The following ASTN2 variants were observed in gnomAD, a reference collection of about 807,000 sequenced individuals.
The protein encoded by ASTN2 is astrotactin 2, also known as astrotactin-2.
ASTN2 carries 54 observed loss-of-function variants against 139.8 expected under a neutral mutation model. That is an observed-to-expected ratio of 0.39 (90% confidence interval 0.31 to 0.48). The LOEUF (loss-of-function observed/expected upper bound fraction) is 0.48. ASTN2 is among the 20% of genes least tolerant of loss of function. The pLI, the probability that ASTN2 is intolerant of heterozygous loss-of-function variation, is 0.95. For missense variants in ASTN2, 1,565 were observed against 1,725.1 expected (o/e 0.91, Z 1.64); for synonymous variants, 756 against 719.5 (o/e 1.05, Z -0.81).
At chr9:116,537,161 C>T (rs891450534) in intron 19 of ASTN2, among the ~76,000 whole-genome samples, 3 of 152,318 alleles carry the variant, frequency 2.0e-5, no homozygotes, top group East Asian at 3.9e-4. Flanking sequence ...GAGCCACGTG[C>T]GGGATATAAT....
intron 3 of ASTN2, among the ~76,000 whole-genome samples, chr9:117,202,553 G>A (rs930731279): frequency 3.9e-5 from 6 of 152,174 alleles, no homozygotes; most frequent in Non-Finnish European, 7.4e-5. Context: ...AAATCCCACA[G>A]CATTTGCTTG....
At chr9:116,864,611 C>T (rs145095725) in intron 10 of ASTN2, among the ~76,000 whole-genome samples, 13 of 152,228 alleles carry the variant, frequency 8.5e-5, no homozygotes, top group Admixed American at 8.5e-4. Context: ...TATATGATTC[C>T]CATACTTACA....
At chr9:117,048,625 G>A (rs1240659127) in intron 5 of ASTN2, among the ~76,000 whole-genome samples, 1 of 152,222 alleles carries the variant, frequency 6.6e-6, no homozygotes, top group Non-Finnish European at 1.5e-5. Flanking sequence ...GTCACTACAA[G>A]GTGTTGACAA....
At chr9:116,931,733 A>G (rs942503275) in intron 10 of ASTN2, among the ~76,000 whole-genome samples, 1 of 152,198 alleles carries the variant, frequency 6.6e-6, no homozygotes, top group Non-Finnish European at 1.5e-5. Context: ...CGAGTAAGCA[A>G]GTAAATGTTC....
intron 12 of ASTN2, among the ~76,000 whole-genome samples, chr9:116,817,389 A>G (rs1185486395): frequency 6.6e-6 from 1 of 152,156 alleles, no homozygotes; most frequent in Non-Finnish European, 1.5e-5. Context: ...GGCTCAGAGA[A>G]GGCTTGCTGA....
At chr9:116,806,618 G>A (rs1319616186) in intron 12 of ASTN2, among the ~76,000 whole-genome samples, 1 of 152,044 alleles carries the variant, frequency 6.6e-6, no homozygotes, top group Non-Finnish European at 1.5e-5. Context: ...ACAAGAGAAT[G>A]GTCTGTGAGA....
At chr9:116,544,416 G>A (rs1852005298) in intron 19 of ASTN2, among the ~76,000 whole-genome samples, 2 of 152,170 alleles carry the variant, frequency 1.3e-5, no homozygotes, top group South Asian at 4.1e-4. Flanking sequence ...AACACAAGGT[G>A]TCTTAGACAT....
intron 19 of ASTN2, among the ~76,000 whole-genome samples, chr9:116,578,710 T>A (rs1404317975): frequency 2.0e-5 from 3 of 150,028 alleles, no homozygotes; most frequent in African/African-American, 7.3e-5. Flanking sequence ...ACCATTGTTT[T>A]TCCCCCAAAC....
chr9:116,615,418 G>A (rs1246576461), intron 19 of ASTN2, among the ~76,000 whole-genome samples: 8 of 152,024 alleles, frequency 5.3e-5, no homozygotes, highest in East Asian at 3.9e-4. Flanking sequence ...ATAAAGACAC[G>A]TGCACACGTA....
Position 117,271,483 on chromosome 9 carries a change from T to A in ASTN2, c.630+19843A>T, listed in dbSNP as rs113022217. 4.6e-3 allele frequency among the ~76,000 whole-genome samples: 694 copies of A among 152,240 alleles called. 6 individuals carry two copies. The highest frequency in any genetic ancestry group is 0.016 in the African/African-American group (666 of 41,558). ...AAATCTCATGTCCTTACATTTCAAATCCAATCATGCCTTCCACAGTCCCTC... is the reference window on the plus strand; with the variant it reads ...AAATCTCATGTCCTTACATTTCAAAACCAATCATGCCTTCCACAGTCCCTC... On this transcript the variant is annotated intron_variant, in intron 2 of 22. Coordinates refer to ENST00000313400, the MANE Select transcript of ASTN2 (RefSeq NM_001365068.1).
chr9:117,120,026 A>G (rs969163687), intron 4 of ASTN2, among the ~76,000 whole-genome samples: 2,329 of 82,802 alleles, frequency 0.028, 75 homozygotes, highest in African/African-American at 0.077. Flanking sequence ...GTGTATATAT[A>G]TATATATATA....
At position 117,218,045 on chromosome 9, in the gene ASTN2, C is replaced by G. The variant is rs536620869; in HGVS notation, c.631-3303G>C. On this transcript the variant is annotated intron_variant, in intron 2 of 22. Coordinates refer to ENST00000313400, the MANE Select transcript of ASTN2 (RefSeq NM_001365068.1). Reference sequence around the variant, plus strand: ...AACTAGCTCCAGCATGACTTTAAAACCATGCTCGGAGTGGAGAAGGCACAG... The same window carrying G: ...AACTAGCTCCAGCATGACTTTAAAAGCATGCTCGGAGTGGAGAAGGCACAG... 1.2e-4 allele frequency among the ~76,000 whole-genome samples: 18 copies of G among 152,346 alleles called. No homozygotes were observed. The South Asian group carries it at 3.3e-3, about 28-fold the overall frequency.
intron 5 of ASTN2, among the ~76,000 whole-genome samples, chr9:117,082,578 G>A (rs1025906024): frequency 4.6e-5 from 7 of 152,148 alleles, no homozygotes; most frequent in Admixed American, 1.3e-4. Context: ...GAGGCAGGCA[G>A]ATCACCTGAG....
chr9:117,381,539 C>T (rs1564175982), intron 1 of ASTN2, among the ~76,000 whole-genome samples: 1 of 152,036 alleles, frequency 6.6e-6, no homozygotes, highest in Admixed American at 6.6e-5. Flanking sequence ...TGTGGCACCT[C>T]CCCATTTTCT....
chr9:116,864,816 G>T (rs888758002), intron 10 of ASTN2, among the ~76,000 whole-genome samples: 7 of 152,060 alleles, frequency 4.6e-5, no homozygotes. Context: ...TCCACCTCAG[G>T]CTTGGACCAG....
Position 117,035,227 on chromosome 9 carries a change from G to A in ASTN2, c.1423+4592C>T, listed in dbSNP as rs1266459895. 2.0e-5 allele frequency among the ~76,000 whole-genome samples: 3 copies of A among 152,114 alleles called. No individual in the cohort carries two copies. The East Asian group carries it at 5.8e-4, about 29-fold the overall frequency. On this transcript the variant is annotated intron_variant, in intron 6 of 22. Transcript: ENST00000313400. ...GAGCTTCTTGCACTTGACATGAGCTGCCCTCATCCTGACAGACCTCATTGA... is the reference window on the plus strand; with the variant it reads ...GAGCTTCTTGCACTTGACATGAGCTACCCTCATCCTGACAGACCTCATTGA...
chr9:116,823,147 G>T (rs1443693607), intron 11 of ASTN2, among the ~76,000 whole-genome samples: 2 of 152,210 alleles, frequency 1.3e-5, no homozygotes, highest in Admixed American at 6.5e-5. Flanking sequence ...CACTAGGAGA[G>T]AATAAATTTC....
At chr9:116,740,241 T>C (rs1479432772) in intron 13 of ASTN2, among the ~76,000 whole-genome samples, 1 of 152,222 alleles carries the variant, frequency 6.6e-6, no homozygotes, top group Non-Finnish European at 1.5e-5. Flanking sequence ...ATTTCCATAA[T>C]ACCATTCCAG....
chr9:116,820,303 A>G (rs1175066209), intron 12 of ASTN2, among the ~76,000 whole-genome samples: 2 of 152,200 alleles, frequency 1.3e-5, no homozygotes, highest in East Asian at 3.9e-4. Context: ...GACTAGGCCC[A>G]TACAGGTAGA....
Sources: gnomAD v4.1 joint callset for allele counts (sites outside exome capture counted in the v4.1 genomes callset) on GRCh38, gnomAD v4.1.1 for gene constraint, MANE v1.5 for transcripts, NCBI Gene and HGNC (gene_info 2026-07-23, HGNC 2026-07-21) for gene names.